Variants in SLFN13 observed in about 807,000 individuals in gnomAD.
The protein encoded by SLFN13 is schlafen-13.
Under a neutral mutation model 50.6 loss-of-function variants are expected in SLFN13, and 43 were observed. The observed-to-expected ratio is 0.85, with a 90% CI of 0.67 to 1.09. The LOEUF is 1.09. Ranked by LOEUF, SLFN13 falls within the 50% of genes least tolerant of loss-of-function variation. The pLI is 0.00. For synonymous variants in SLFN13, 339 were observed against 386.5 expected (o/e 0.88, Z 1.44); for missense variants, 881 against 1,071.1 (o/e 0.82, Z 2.48).
intron 1 of SLFN13, among the ~76,000 whole-genome samples, chr17:35,447,891 T>TTTTGC (rs1397298259): frequency 7.0e-6 from 1 of 141,978 alleles, no homozygotes; most frequent in African/African-American, 2.7e-5. Flanking sequence ...TTTTGTTTTG[T>TTTTGC]TTTTGTTTTG....
upstream of SLFN13, chr17:35,448,767 C>T (rs1234848697): frequency 6.6e-6 from 1 of 152,314 alleles, no homozygotes; most frequent in African/African-American, 2.4e-5. Context: ...CCGCGTTTCC[C>T]TGGAGGCGCC....
chr17:35,445,458 T>A lies in SLFN13; in HGVS notation c.223A>T (p.Met75Leu), dbSNP rs1913160634. The change falls in exon 3 of 6, where the codon ATG becomes TTG. Residue 75 changes from methionine (M) to leucine (L), a missense_variant. By Grantham distance (15) the Met-to-Leu change is conservative. Transcript: ENST00000285013. ...MANRDERPTE[M>L]GLDLEESLRK... ...AAGGATTCTTCTAAATCCAGTCCCATCTCTGTGGGACGCTCATCCCTGTTG... is the reference window on the plus strand; with the variant it reads ...AAGGATTCTTCTAAATCCAGTCCCAACTCTGTGGGACGCTCATCCCTGTTG... 1 of 1,614,072 alleles carries A rather than the reference T, an allele frequency of 6.2e-7. No individual in the cohort carries two copies. Among genetic ancestry groups the A allele is most frequent in the African/African-American group, 1.3e-5 (1 of 74,938 alleles).
In SLFN13 at chr17:35,440,355, T is replaced by C. The variant is rs1387168851; in HGVS notation, c.*240A>G. ...CTAAAGTTCCTTTAGAAAACCACCA[T>C]CTTTCTGGCTGCAAGAGTCAGGGGT... On this transcript the variant is annotated 3_prime_UTR_variant, in exon 6 of 6. Transcript: ENST00000285013. 3.5e-6 allele frequency: 2 copies of C among 569,822 alleles called. No individual in the cohort carries two copies. The highest frequency in any genetic ancestry group is 3.7e-5 in the African/African-American group (2 of 53,442). 35.3% of individuals were successfully genotyped at this position (569,822 alleles called of 1,614,324 possible).
chr17:35,443,017 T>C (rs1465193143), intron 4 of SLFN13, among the ~76,000 whole-genome samples: 1 of 152,190 alleles, frequency 6.6e-6, no homozygotes, highest in African/African-American at 2.4e-5. Flanking sequence ...ATATATGAAT[T>C]ACCTTGCCCT....
chr17:35,445,046 A>G lies in SLFN13; in HGVS notation c.635T>C (p.Ile212Thr), dbSNP rs1248555095. ...TTTTGTAGAGAACTGTTTAAACTCTATGGATGGAGACTCAGGAAAAGATAG... is the reference window on the plus strand; with the variant it reads ...TTTTGTAGAGAACTGTTTAAACTCTGTGGATGGAGACTCAGGAAAAGATAG... ...EILSFPESPS[I>T]EFKQFSTKHI... The change falls in exon 3 of 6, where the codon ATA becomes ACA. Residue 212 changes from isoleucine (I) to threonine (T), a missense_variant. By Grantham distance (89) the Ile-to-Thr change is moderately conservative. This residue lies in a region of SLFN13 where 497 missense variants were observed against 518.3 expected (regional missense o/e 0.96). Coordinates refer to ENST00000285013, the MANE Select transcript of SLFN13 (RefSeq NM_144682.6). The G allele has an allele frequency of 8.1e-6, 13 of 1,614,126 alleles. No individual in the cohort carries two copies. Among genetic ancestry groups the G allele is most frequent in the South Asian group, 2.2e-5 (2 of 91,076 alleles).
In SLFN13 at chr17:35,436,473, C is replaced by A. The variant is rs902151312; in HGVS notation, c.*4122G>T. 1 of 133,664 alleles carries A rather than the reference C, an allele frequency of 7.5e-6. No individual in the cohort carries two copies. The highest frequency in any genetic ancestry group is 1.6e-5 in the Non-Finnish European group (1 of 62,210). The allele number at this position is 133,664 out of a possible 1,614,324, so 8.3% of individuals were successfully genotyped here. A position where few individuals can be genotyped will look rare whatever the true frequency, so the allele number is the denominator to read the frequency against. ...TATTATGCGTTCAGAAGCAAAAACA[C>A]CCCCCCTCCACACACACACACACAC... is the stretch of plus-strand genomic sequence containing the variant. On this transcript the variant is annotated 3_prime_UTR_variant, in exon 6 of 6. Transcript: ENST00000285013.
At position 35,442,090 on chromosome 17, in the gene SLFN13, T is replaced by C. The variant is rs1912940441; in HGVS notation, c.1395A>G (p.Ala465=). The C allele has an allele frequency of 4.3e-6, 7 of 1,613,942 alleles. No individual in the cohort carries two copies. The highest frequency in any genetic ancestry group is 3.3e-5 in the South Asian group (3 of 91,072). The change falls in exon 5 of 6, where the codon GCA becomes GCG. Residue 465 remains alanine, a synonymous_variant. Coordinates refer to ENST00000285013, the MANE Select transcript of SLFN13 (RefSeq NM_144682.6). ...TGTAGAGAATGGGGGTGCTGTTCTG[T>C]GCTATCAGCAGAGCATCACAGATGA... ...PGVICDALLI[A]QNSTPILYTI... is the part of the protein sequence containing the mutation.
chr17:35,442,420 C>T (rs1436902707), intron 4 of SLFN13, 134 bp from the exon 5 acceptor site: 1 of 1,097,142 alleles, frequency 9.1e-7, no homozygotes, highest in Non-Finnish European at 1.3e-6. Flanking sequence ...TCTGGTGCAT[C>T]TCTGGTTTTT....
upstream of SLFN13, among the ~76,000 whole-genome samples, chr17:35,449,744 T>C (rs1281897056): frequency 6.6e-6 from 1 of 152,160 alleles, no homozygotes; most frequent in Non-Finnish European, 1.5e-5. Flanking sequence ...TGGCTGGTTT[T>C]CTTGTAACAC....
intron 4 of SLFN13, among the ~76,000 whole-genome samples, 183 bp downstream of exon 4, chr17:35,443,606 C>T (rs757269570): frequency 9.7e-4 from 147 of 152,186 alleles, no homozygotes; most frequent in Non-Finnish European, 1.2e-3. Context: ...AATAATCAGC[C>T]AGATGTGGCA....
chr17:35,442,466 C>T (rs933016880), intron 4 of SLFN13, among the ~76,000 whole-genome samples, 180 bp from the exon 5 acceptor site: 10 of 152,296 alleles, frequency 6.6e-5, no homozygotes, highest in East Asian at 1.9e-4. Context: ...GTTTTTGAGA[C>T]GGAGTCTCGC....
rs995975444 is a variant in SLFN13, at chr17:35,436,699, T to C, written c.*3896A>G. The C allele has an allele frequency of 6.6e-6, 1 of 152,084 alleles. No homozygotes were observed. The highest frequency in any genetic ancestry group is 2.4e-5 in the African/African-American group (1 of 41,432). The allele number at this position is 152,084 out of a possible 1,614,324, so 9.4% of individuals were successfully genotyped here. A position where few individuals can be genotyped will look rare whatever the true frequency, so the allele number is the denominator to read the frequency against. On this transcript the variant is annotated 3_prime_UTR_variant, in exon 6 of 6. Transcript: ENST00000285013. ...AAAATGCATAACCTGAATCTAATCATGAGAACACATGAAATGACCCAAAAT... is the reference window on the plus strand; with the variant it reads ...AAAATGCATAACCTGAATCTAATCACGAGAACACATGAAATGACCCAAAAT...
In SLFN13 at chr17:35,439,669, G is replaced by A. The variant is rs1451207961; in HGVS notation, c.*926C>T. On this transcript the variant is annotated 3_prime_UTR_variant, in exon 6 of 6. Transcript: ENST00000285013. ...TTTTTGTATTTTTAGTAGAGATGGGGTTTCTCCATGTTGGCCAGGCTGGTC... is the reference window on the plus strand; with the variant it reads ...TTTTTGTATTTTTAGTAGAGATGGGATTTCTCCATGTTGGCCAGGCTGGTC... The A allele has an allele frequency of 6.6e-6, 1 of 152,046 alleles. No individual in the cohort carries two copies. The highest frequency in any genetic ancestry group is 1.5e-5 in the Non-Finnish European group (1 of 68,062). The allele number at this position is 152,046 out of a possible 1,614,324, so 9.4% of individuals were successfully genotyped here.
At chr17:35,443,479 T>C (rs1913030576) in intron 4 of SLFN13, among the ~76,000 whole-genome samples, 1 of 152,210 alleles carries the variant, frequency 6.6e-6, no homozygotes, top group South Asian at 2.1e-4. Context: ...ATCAGAATAA[T>C]TTGGGAAGCT....
Position 35,444,606 on chromosome 17 carries a change from C to T in SLFN13, c.1066+9G>A. 6.2e-7 allele frequency: 1 copy of T among 1,607,990 alleles called. No individual in the cohort carries two copies. Among genetic ancestry groups the T allele is most frequent in the Non-Finnish European group, 8.5e-7 (1 of 1,175,672 alleles). Reference sequence around the variant, plus strand: ...AAGGTCAGGAAGGGAGAATCTGGTTCCCTCTTACCTGGATCTGCGTCCATC... The same window carrying T: ...AAGGTCAGGAAGGGAGAATCTGGTTTCCTCTTACCTGGATCTGCGTCCATC... On this transcript the variant is annotated intron_variant, in intron 3 of 5. Coordinates refer to ENST00000285013, the MANE Select transcript of SLFN13 (RefSeq NM_144682.6).
In SLFN13 at chr17:35,437,052, C is replaced by A. The variant is rs1912664010; in HGVS notation, c.*3543G>T. The A allele has an allele frequency of 6.6e-6, 1 of 152,044 alleles. No homozygotes were observed. Among genetic ancestry groups the A allele is most frequent in the Non-Finnish European group, 1.5e-5 (1 of 68,016 alleles). The allele number at this position is 152,044 out of a possible 1,614,324, so 9.4% of individuals were successfully genotyped here. ...TAGTGGTAAATGGGAACCCTGTCCG[C>A]TACTTACTTTTGAATCTCAGGAAGA... On this transcript the variant is annotated 3_prime_UTR_variant, in exon 6 of 6. Coordinates refer to ENST00000285013, the MANE Select transcript of SLFN13 (RefSeq NM_144682.6).
chr17:35,438,959 A>G lies in SLFN13; in HGVS notation c.*1636T>C, dbSNP rs147257183. The G allele has an allele frequency of 6.6e-6, 1 of 152,016 alleles. No individual in the cohort carries two copies. The highest frequency in any genetic ancestry group is 2.4e-5 in the African/African-American group (1 of 41,522). The allele number at this position is 152,016 out of a possible 1,614,324, so 9.4% of individuals were successfully genotyped here. ...TCATACAGCTGTGTTCTCAGGCTGC[A>G]ATAACAAAACACTAGAGACTGGATG... is the stretch of plus-strand genomic sequence containing the variant. On this transcript the variant is annotated 3_prime_UTR_variant, in exon 6 of 6. Transcript: ENST00000285013.
Position 35,440,589 on chromosome 17 carries a change from G to C in SLFN13, c.*6C>G. The C allele has an allele frequency of 6.2e-7, 1 of 1,613,598 alleles. No individual in the cohort carries two copies. The highest frequency in any genetic ancestry group is 2.2e-5 in the East Asian group (1 of 44,888). ...TTTTGGTTTGGAGTTCTTCCTAATA[G>C]TCACTTCACAGAAAAATATATAGGT... On this transcript the variant is annotated 3_prime_UTR_variant, in exon 6 of 6. Transcript: ENST00000285013.
Position 35,440,212 on chromosome 17 carries a change from G to T in SLFN13, c.*383C>A. On this transcript the variant is annotated 3_prime_UTR_variant, in exon 6 of 6. Transcript: ENST00000285013. ...AATTTTTTAAAGCAACAAACTACAC[G>T]AAGTCACATAAAAGAACTCGAGAAC... 1 of 138,760 alleles carries T rather than the reference G, an allele frequency of 7.2e-6. No individual in the cohort carries two copies. The highest frequency in any genetic ancestry group is 1.3e-5 in the Non-Finnish European group (1 of 76,840). 8.6% of individuals were successfully genotyped at this position (138,760 alleles called of 1,614,324 possible).
Sources: allele counts gnomAD v4.1 joint callset (sites outside exome capture counted in the v4.1 genomes callset), GRCh38; gene constraint gnomAD v4.1.1; regional missense constraint gnomAD v4.1.1; transcripts MANE v1.5; gene names NCBI Gene and HGNC (gene_info 2026-07-23, HGNC 2026-07-21).